The following MSH5 variants were observed in gnomAD, a reference collection of about 807,000 sequenced individuals.
MSH5 encodes the protein mutS homolog 5, also known as mutS protein homolog 5.
MSH5 carries 78 observed loss-of-function variants against 107.7 expected under a neutral mutation model. That is an observed-to-expected ratio of 0.72 (90% CI 0.60 to 0.87). MSH5 has a LOEUF of 0.87. Ranked by LOEUF, MSH5 falls within the 40% of genes least tolerant of loss-of-function variation. The pLI, the probability that MSH5 is intolerant of heterozygous loss-of-function variation, is 0.00. For missense variants in MSH5, 889 were observed against 1,046.6 expected (o/e 0.85, Z 2.08); for synonymous variants, 326 against 399.5 (o/e 0.82, Z 2.19).
At chr6:31,748,853 T>C (rs1343773493) in intron 10 of MSH5, among the ~76,000 whole-genome samples, 1 of 152,082 alleles carries the variant, frequency 6.6e-6, no homozygotes, top group Non-Finnish European at 1.5e-5. Context: ...TCTAGTCATT[T>C]AGGGCCACTT....
chr6:31,751,232 G>A (rs1186957449), intron 10 of MSH5, among the ~76,000 whole-genome samples: 2 of 152,138 alleles, frequency 1.3e-5, no homozygotes, highest in Non-Finnish European at 1.5e-5. Flanking sequence ...TCCTGACCTC[G>A]TGACCCGCCC....
At position 31,753,703 on chromosome 6, in the gene MSH5, T is replaced by C; in HGVS notation, c.1014+74T>C. 8 of 1,341,358 alleles carry C rather than the reference T, an allele frequency of 6.0e-6. No individual in the cohort carries two copies. The South Asian group carries it at 7.1e-5, about 12-fold the overall frequency. 83.1% of individuals were successfully genotyped at this position (1,341,358 alleles called of 1,614,324 possible). On this transcript the variant is annotated intron_variant, in intron 12 of 24. Transcript: ENST00000375750. ...CCTGTATTCCAGACTGTCTGTACCC[T>C]AGACATGCTGTCCAATTTTATTCTA...
At chr6:31,754,936 T>C (rs1048899525) in intron 12 of MSH5, among the ~76,000 whole-genome samples, 1 of 151,632 alleles carries the variant, frequency 6.6e-6, no homozygotes, top group African/African-American at 2.4e-5. Flanking sequence ...GTATTTTTAG[T>C]AGAGACAGGG....
intron 10 of MSH5, among the ~76,000 whole-genome samples, chr6:31,750,301 G>A (rs1405546739): frequency 2.0e-5 from 3 of 152,176 alleles, no homozygotes; most frequent in Admixed American, 2.0e-4. Context: ...AGATGTGGTG[G>A]CTCACGCCTA....
At chr6:31,752,135 A>G (rs915742142) in intron 10 of MSH5, among the ~76,000 whole-genome samples, 11 of 150,616 alleles carry the variant, frequency 7.3e-5, no homozygotes, top group African/African-American at 1.7e-4. Flanking sequence ...CTATATATCC[A>G]TCAGCCAATT....
In MSH5 at chr6:31,760,408, T is replaced by C. The variant is rs1420054356; in HGVS notation, c.1812+192T>C. ...TCTCCACTGGAGAGCCATGCTCTAA[T>C]GGAACTTTCCGTGGCCCAAATTCCT... On this transcript the variant is annotated intron_variant, in intron 19 of 24. Coordinates refer to ENST00000375750, the MANE Select transcript of MSH5 (RefSeq NM_172166.4). This position sits in a 1 kb window ranked among gnomAD's most constrained non-coding sequence, Gnocchi z 5.6. Among the ~76,000 whole-genome samples, 2 of 152,214 alleles carry C rather than the reference T, an allele frequency of 1.3e-5. No individual in the cohort carries two copies. Among genetic ancestry groups the C allele is most frequent in the African/African-American group, 2.4e-5 (1 of 41,450 alleles).
At position 31,758,982 on chromosome 6, in the gene MSH5, A is replaced by G; in HGVS notation, c.1326+107A>G. The G allele has an allele frequency of 7.1e-7, 1 of 1,408,112 alleles. No homozygotes were observed. Among genetic ancestry groups the G allele is most frequent in the South Asian group, 1.2e-5 (1 of 86,678 alleles). The allele number at this position is 1,408,112 out of a possible 1,614,324, so 87.2% of individuals were successfully genotyped here. A position where few individuals can be genotyped will look rare whatever the true frequency, so the allele number is the denominator to read the frequency against. On this transcript the variant is annotated intron_variant, in intron 15 of 24. Coordinates refer to ENST00000375750, the MANE Select transcript of MSH5 (RefSeq NM_172166.4). The surrounding 1 kb of genome is among the most constrained non-coding windows in gnomAD (Gnocchi z 5.1). ...GAAAACTTGTGGGGCAGCCTGAAGA[A>G]CATGAACACTTTTTTGTGGGGATAC...
At chr6:31,753,543 G>A (rs773714620) in intron 11 of MSH5, 24 bp from the exon 12 acceptor site, 31 of 1,613,928 alleles carry the variant, frequency 1.9e-5, no homozygotes, top group Admixed American at 1.3e-4. Flanking sequence ...AGAAAACAGC[G>A]GCTGTAACCT....
At position 31,758,381 on chromosome 6, in the gene MSH5, G is replaced by A; in HGVS notation, c.1143+88G>A. On this transcript the variant is annotated intron_variant, in intron 13 of 24. Transcript: ENST00000375750. This position sits in a 1 kb window ranked among gnomAD's most constrained non-coding sequence, Gnocchi z 5.1. Reference sequence around the variant, plus strand: ...GATGGGGAAACATGGAAGATATTGAGGTCAATTGGATAAAGAATGGGATGG... The same window carrying A: ...GATGGGGAAACATGGAAGATATTGAAGTCAATTGGATAAAGAATGGGATGG... The A allele has an allele frequency of 6.3e-7, 1 of 1,584,304 alleles. No individual in the cohort carries two copies. The highest frequency in any genetic ancestry group is 8.6e-7 in the Non-Finnish European group (1 of 1,160,092).
In MSH5 at chr6:31,758,471, G is replaced by T; in HGVS notation, c.1144-77G>T. 2 of 1,579,480 alleles carry T rather than the reference G, an allele frequency of 1.3e-6. No homozygotes were observed. Among genetic ancestry groups the T allele is most frequent in the Non-Finnish European group, 1.7e-6 (2 of 1,150,758 alleles). On this transcript the variant is annotated intron_variant, in intron 13 of 24. Coordinates refer to ENST00000375750, the MANE Select transcript of MSH5 (RefSeq NM_172166.4). This position sits in a 1 kb window ranked among gnomAD's most constrained non-coding sequence, Gnocchi z 5.1. Reference sequence around the variant, plus strand: ...GTGAGAGTTAAAGGAGGACTGCAGGGAGAATTGGGGCCCAAGGAGAGCTGA... The same window carrying T: ...GTGAGAGTTAAAGGAGGACTGCAGGTAGAATTGGGGCCCAAGGAGAGCTGA...
chr6:31,761,070 C>A lies in MSH5; in HGVS notation c.1963-118C>A. On this transcript the variant is annotated intron_variant, in intron 20 of 24. Coordinates refer to ENST00000375750, the MANE Select transcript of MSH5 (RefSeq NM_172166.4). The surrounding 1 kb of genome is among the most constrained non-coding windows in gnomAD (Gnocchi z 5.3). The stretch of plus-strand genomic sequence containing the variant: ...TGAACAAAGCGTGCACCTCACCATT[C>A]AAGAACTTGCAGTGCAGTAGGGAGG... The A allele has an allele frequency of 9.2e-7, 1 of 1,092,620 alleles. No homozygotes were observed. Among genetic ancestry groups the A allele is most frequent in the Non-Finnish European group, 1.3e-6 (1 of 748,910 alleles). 67.7% of individuals were successfully genotyped at this position (1,092,620 alleles called of 1,614,324 possible). A position where few individuals can be genotyped will look rare whatever the true frequency, so the allele number is the denominator to read the frequency against.
chr6:31,751,346 A>G (rs1809941111), intron 10 of MSH5: 1 of 152,122 alleles, frequency 6.6e-6, no homozygotes, highest in Admixed American at 6.5e-5. Flanking sequence ...AAAAAGATGT[A>G]AATAATTAGC....
chr6:31,744,979 C>T (rs938399889), intron 8 of MSH5, among the ~76,000 whole-genome samples: 4 of 151,550 alleles, frequency 2.6e-5, no homozygotes, highest in Non-Finnish European at 2.9e-5. Flanking sequence ...GTGTGTTGTG[C>T]GCCTGTAATC....
In MSH5 at chr6:31,745,211, C is replaced by G. The variant is rs1809319078; in HGVS notation, c.684-26C>G. ...TTCCCTTCAAAAGTCCAAGTTACCC[C>G]AAACTCCTCCATTTCTCCTCGACAG... On this transcript the variant is annotated intron_variant, in intron 8 of 24. Coordinates refer to ENST00000375750, the MANE Select transcript of MSH5 (RefSeq NM_172166.4). The G allele has an allele frequency of 6.6e-6, 10 of 1,512,792 alleles. No homozygotes were observed. In the South Asian group the frequency reaches 1.1e-4, roughly 17 times the overall value. The allele number at this position is 1,512,792 out of a possible 1,614,324, so 93.7% of individuals were successfully genotyped here.
At chr6:31,751,159 C>A (rs1809920397) in intron 10 of MSH5, among the ~76,000 whole-genome samples, 1 of 152,092 alleles carries the variant, frequency 6.6e-6, no homozygotes, top group Non-Finnish European at 1.5e-5. Flanking sequence ...ACACGCCCGG[C>A]TAATTTTGTT....
At chr6:31,756,088 A>G (rs1810423824) in intron 12 of MSH5, among the ~76,000 whole-genome samples, 1 of 151,918 alleles carries the variant, frequency 6.6e-6, no homozygotes. Context: ...GAGGAACATA[A>G]TGTCTGATAT....
chr6:31,751,856 T>G (rs1396792963), intron 10 of MSH5, among the ~76,000 whole-genome samples: 1 of 151,940 alleles, frequency 6.6e-6, no homozygotes, highest in Non-Finnish European at 1.5e-5. Flanking sequence ...TCCAGCACTT[T>G]AGGAGGCTGA....
At chr6:31,754,753 C>G (rs953125969) in intron 12 of MSH5, among the ~76,000 whole-genome samples, 21 of 135,366 alleles carry the variant, frequency 1.6e-4, no homozygotes, top group Non-Finnish European at 2.5e-4. Flanking sequence ...TTTCTTTTTT[C>G]TTTTTTTTTT....
intron 12 of MSH5, among the ~76,000 whole-genome samples, chr6:31,755,568 G>A (rs1810378363): frequency 6.6e-6 from 1 of 152,034 alleles, no homozygotes; most frequent in Non-Finnish European, 1.5e-5. Context: ...CTCCCTGTTG[G>A]TCGGGCTGGT....
Sources: gnomAD v4.1 joint callset for allele counts (sites outside exome capture counted in the v4.1 genomes callset) on GRCh38, gnomAD v4.1.1 for gene constraint, Gnocchi (gnomAD v3.1) non-coding constraint, MANE v1.5 for transcripts, NCBI Gene and HGNC (gene_info 2026-07-23, HGNC 2026-07-21) for gene names.